Variants in GPR158 observed in about 807,000 individuals in gnomAD.
GPR158 encodes metabotropic glycine receptor.
Under a neutral mutation model 78.2 loss-of-function variants are expected in GPR158, and 30 were observed. The observed-to-expected ratio is 0.38, with a 90% CI of 0.29 to 0.52. The LOEUF (loss-of-function observed/expected upper bound fraction) is 0.52, where lower values mean the gene tolerates loss of function less well. Ranked by LOEUF, GPR158 falls within the 20% of genes least tolerant of loss-of-function variation. The pLI is 0.83. For missense variants in GPR158, 1,463 were observed against 1,523.5 expected, an observed-to-expected ratio of 0.96 and a Z score of 0.66; for synonymous variants, 581 against 591.1, an observed-to-expected ratio of 0.98 and a Z score of 0.25.
intron 2 of GPR158, among the ~76,000 whole-genome samples, chr10:25,273,878 T>C (rs888948283): frequency 1.3e-5 from 2 of 151,818 alleles, no homozygotes; most frequent in African/African-American, 4.8e-5. Context: ...TAGGGTTTTG[T>C]CATGTTGCCC....
At chr10:25,475,367 C>T (rs1275183537) in intron 5 of GPR158, 1 of 152,134 alleles carries the variant, frequency 6.6e-6, no homozygotes, top group Admixed American at 6.5e-5. Context: ...TTTTATCTTT[C>T]AGAACGTAAA....
intron 1 of GPR158, among the ~76,000 whole-genome samples, chr10:25,185,429 A>C (rs1164240011): frequency 6.6e-6 from 1 of 152,224 alleles, no homozygotes; most frequent in East Asian, 1.9e-4. Context: ...CAAAAAGAAC[A>C]TCTGACTAAA....
intron 2 of GPR158, among the ~76,000 whole-genome samples, chr10:25,267,149 A>G (rs1052488710): frequency 4.6e-5 from 7 of 152,198 alleles, no homozygotes; most frequent in African/African-American, 1.7e-4. Context: ...ATTAAATGAC[A>G]TAACAATCAG....
intron 2 of GPR158, among the ~76,000 whole-genome samples, chr10:25,292,606 A>T (rs1449668092): frequency 6.6e-6 from 1 of 152,092 alleles, no homozygotes; most frequent in Non-Finnish European, 1.5e-5. Context: ...GATAGAGCTA[A>T]ATTTAGTATA....
At chr10:25,277,059 C>A (rs1854193531) in intron 2 of GPR158, among the ~76,000 whole-genome samples, 1 of 151,830 alleles carries the variant, frequency 6.6e-6, no homozygotes, top group African/African-American at 2.4e-5. Flanking sequence ...AAGGAATCCT[C>A]CTGCCTCAAC....
chr10:25,227,116 G>C (rs1223024411), intron 2 of GPR158, among the ~76,000 whole-genome samples: 2 of 152,112 alleles, frequency 1.3e-5, no homozygotes, highest in African/African-American at 4.8e-5. Context: ...ATGCTCTCGA[G>C]GGTTATTTGG....
intron 2 of GPR158, among the ~76,000 whole-genome samples, chr10:25,369,732 C>T (rs1354646999): frequency 1.3e-5 from 2 of 151,470 alleles, no homozygotes; most frequent in African/African-American, 4.8e-5. Flanking sequence ...GGAATAGTTT[C>T]AGAAGGAATG....
intron 1 of GPR158, among the ~76,000 whole-genome samples, chr10:25,199,911 A>G (rs1026006328): frequency 6.6e-6 from 1 of 152,112 alleles, no homozygotes; most frequent in African/African-American, 2.4e-5. Context: ...TATCCAATCT[A>G]CTGTTGATGG....
chr10:25,341,502 GA>G (rs1855302182), intron 2 of GPR158, among the ~76,000 whole-genome samples: 1 of 151,682 alleles, frequency 6.6e-6, no homozygotes, highest in African/African-American at 2.4e-5. Context: ...TAATAGATAA[GA>G]AAAATGAAAT....
chr10:25,266,330 G>A (rs1307118051), intron 2 of GPR158, among the ~76,000 whole-genome samples: 1 of 152,110 alleles, frequency 6.6e-6, no homozygotes, highest in Non-Finnish European at 1.5e-5. Context: ...TATGCCTAGT[G>A]TTCAGGACAT....
intron 2 of GPR158, among the ~76,000 whole-genome samples, chr10:25,251,245 G>A (rs898432154): frequency 4.6e-5 from 7 of 152,116 alleles, no homozygotes; most frequent in African/African-American, 1.7e-4. Flanking sequence ...ACAGCACACT[G>A]ATGGGTCTTG....
intron 5 of GPR158, among the ~76,000 whole-genome samples, chr10:25,476,703 T>A (rs1835591386): frequency 6.6e-6 from 1 of 152,178 alleles, no homozygotes; most frequent in South Asian, 2.1e-4. Context: ...TATCTTCTGG[T>A]CTGCTGTTCT....
At chr10:25,506,436 G>A (rs1253385364) in intron 5 of GPR158, among the ~76,000 whole-genome samples, 1 of 152,178 alleles carries the variant, frequency 6.6e-6, no homozygotes, top group Non-Finnish European at 1.5e-5. Context: ...CCAACAGCAG[G>A]ATAGCTAAAT....
intron 2 of GPR158, among the ~76,000 whole-genome samples, chr10:25,231,425 C>A (rs1348386760): frequency 6.6e-6 from 1 of 152,122 alleles, no homozygotes; most frequent in Non-Finnish European, 1.5e-5. Flanking sequence ...GGAGATAAAT[C>A]AATTTTCCAG....
chr10:25,251,680 T>A (rs891814015), intron 2 of GPR158, among the ~76,000 whole-genome samples: 2 of 151,664 alleles, frequency 1.3e-5, no homozygotes, highest in African/African-American at 4.9e-5. Context: ...TGCCGAGAGA[T>A]CTGCTGTTAG....
intron 5 of GPR158, among the ~76,000 whole-genome samples, chr10:25,531,061 T>C (rs10764556): frequency 0.53 from 80,095 of 152,096 alleles, 21,853 homozygotes; most frequent in African/African-American, 0.68. Flanking sequence ...GATTAAAAAA[T>C]AATGCTAATG....
chr10:25,337,645 G>A (rs1310008787), intron 2 of GPR158, among the ~76,000 whole-genome samples: 1 of 151,978 alleles, frequency 6.6e-6, no homozygotes, highest in Non-Finnish European at 1.5e-5. Flanking sequence ...TTTCTGTTGA[G>A]TAAATGCTTA....
intron 2 of GPR158, among the ~76,000 whole-genome samples, chr10:25,241,460 T>G (rs980949620): frequency 5.3e-5 from 8 of 149,946 alleles, no homozygotes; most frequent in Non-Finnish European, 8.9e-5. Context: ...TTGCTCCATC[T>G]CCCAGGCTGG....
At chr10:25,201,952 C>T (rs1320346562) in intron 1 of GPR158, among the ~76,000 whole-genome samples, 2 of 151,862 alleles carry the variant, frequency 1.3e-5, no homozygotes, top group African/African-American at 4.8e-5. Context: ...TGTGCCTCTG[C>T]CAGGTTTTGG....
Sources: gnomAD v4.1 joint callset for allele counts (sites outside exome capture counted in the v4.1 genomes callset) on GRCh38, gnomAD v4.1.1 for gene constraint, MANE v1.5 for transcripts, NCBI Gene and HGNC (gene_info 2026-07-23, HGNC 2026-07-21) for gene names.